DGKD: variants seen among roughly 807,000 people sequenced by gnomAD.
DGKD encodes the protein diacylglycerol kinase delta.
Under a neutral mutation model 154.4 loss-of-function variants are expected in DGKD, and 68 were observed. That is an observed-to-expected ratio of 0.44 (90% CI 0.36 to 0.54). The LOEUF is 0.54. Ranked by LOEUF, DGKD falls within the 20% of genes least tolerant of loss-of-function variation. The pLI is 0.00. For missense variants in DGKD, 1,343 were observed against 1,593.6 expected, an observed-to-expected ratio of 0.84 and a Z score of 2.68; for synonymous variants, 693 against 638.0, an observed-to-expected ratio of 1.09 and a Z score of -1.30.
intron 1 of DGKD, among the ~76,000 whole-genome samples, chr2:233,374,675 T>C (rs1171342291): frequency 6.6e-6 from 1 of 151,532 alleles, no homozygotes; most frequent in African/African-American, 2.4e-5. Context: ...CACGGTCTTG[T>C]TCTGTCATCC....
Position 233,385,069 on chromosome 2 carries a change from A to G in DGKD, c.157-3188A>G, listed in dbSNP as rs569148507. Among the ~76,000 whole-genome samples, 9 of 152,304 alleles carry G rather than the reference A, an allele frequency of 5.9e-5. No individual in the cohort carries two copies. The East Asian group carries it at 1.7e-3, about 29-fold the overall frequency. On this transcript the variant is annotated intron_variant, in intron 1 of 29. Transcript: ENST00000264057. ...CTGGTGATGCAGCCACGTGTCAGAG[A>G]GGGGGCAACCTCACCCTGTGCTTGG...
rs1008563868 is a variant in DGKD, at chr2:233,470,825, G to C, written c.*1365G>C. 6.6e-6 allele frequency: 1 copy of C among 152,398 alleles called. No individual in the cohort carries two copies. Among genetic ancestry groups the C allele is most frequent in the African/African-American group, 2.4e-5 (1 of 41,406 alleles). The allele number at this position is 152,398 out of a possible 1,614,324, so 9.4% of individuals were successfully genotyped here. ...CTTCTCTTTGGCTCCCAAAGAGAAG[G>C]ACAGTGTTGGGAGTATCTGCCGTGG... On this transcript the variant is annotated 3_prime_UTR_variant, in exon 30 of 30. Transcript: ENST00000264057.
intron 24 of DGKD, among the ~76,000 whole-genome samples, chr2:233,461,427 T>C (rs896338116): frequency 6.6e-6 from 1 of 152,204 alleles, no homozygotes; most frequent in African/African-American, 2.4e-5. Flanking sequence ...AGGTGGTCGC[T>C]GTCCCAGTCA....
chr2:233,364,584 G>T (rs1701935926), intron 1 of DGKD, among the ~76,000 whole-genome samples: 1 of 152,164 alleles, frequency 6.6e-6, no homozygotes, highest in Admixed American at 6.5e-5. Flanking sequence ...ACAAGTCAGG[G>T]ATGCATGTTG....
rs375350150 is a variant in DGKD at position 233,436,462 on chromosome 2, C to T, written c.819+21C>T. 1.6e-5 allele frequency: 25 copies of T among 1,606,202 alleles called. 1 individual carries two copies. The highest frequency in any genetic ancestry group is 7.7e-5 in the South Asian group (7 of 90,824). On this transcript the variant is annotated intron_variant, in intron 7 of 29. Transcript: ENST00000264057. ...CCATGGTGAGTGTGGGCCCTGCGCC[C>T]GGGCTGGAGGGGAGGGCTTGCTCCC...
chr2:233,396,833 A>T (rs1461589422), intron 3 of DGKD, among the ~76,000 whole-genome samples: 1 of 151,968 alleles, frequency 6.6e-6, no homozygotes, highest in Admixed American at 6.6e-5. Context: ...AGACCTTGGG[A>T]TGGGGACACC....
chr2:233,398,147 A>ATT (rs113629894), intron 3 of DGKD, among the ~76,000 whole-genome samples: 3 of 119,570 alleles, frequency 2.5e-5, no homozygotes, highest in African/African-American at 9.6e-5. Context: ...GAAAGGTAAA[A>ATT]TTTTTTTTTT....
chr2:233,451,572 T>A (rs76233838), intron 17 of DGKD, among the ~76,000 whole-genome samples: 1 of 141,978 alleles, frequency 7.0e-6, no homozygotes, highest in Admixed American at 6.9e-5. Context: ...CTATAAGCCT[T>A]TTTTTTTTTT....
chr2:233,377,531 G>T (rs1169598878), intron 1 of DGKD, among the ~76,000 whole-genome samples: 4 of 152,046 alleles, frequency 2.6e-5, no homozygotes, highest in East Asian at 3.8e-4. Context: ...TAATTTATTC[G>T]ACCACTAGCC....
chr2:233,361,818 G>A (rs1425193266), intron 1 of DGKD, among the ~76,000 whole-genome samples: 4 of 151,888 alleles, frequency 2.6e-5, no homozygotes, highest in South Asian at 2.1e-4. Flanking sequence ...CTTTTAAGAC[G>A]GAGTCTCACT....
In DGKD at chr2:233,363,443, AAG is replaced by A. The variant is rs562070600; in HGVS notation, c.156+8772_156+8773del. On this transcript the variant is annotated intron_variant, in intron 1 of 29. Transcript: ENST00000264057. ...TGTTTCAAGCTAAATGTTACTACAA[AAG>A]AGTAAAAAATTAAATTAAAAGTTTA... 4.6e-3 allele frequency among the ~76,000 whole-genome samples: 699 copies of A among 152,364 alleles called. 3 individuals are homozygous for A. The highest frequency in any genetic ancestry group is 6.5e-3 in the Non-Finnish European group (441 of 68,042).
At chr2:233,388,134 T>A in intron 1 of DGKD, 123 bp from the exon 2 acceptor site, 1 of 1,537,674 alleles carries the variant, frequency 6.5e-7, no homozygotes, top group Non-Finnish European at 8.7e-7. Flanking sequence ...CTGTTGAGAG[T>A]GTGAGAAATA....
intron 10 of DGKD, chr2:233,442,535 C>G: frequency 3.7e-6 from 1 of 269,070 alleles, no homozygotes; most frequent in Non-Finnish European, 7.4e-6. Flanking sequence ...CTCTCTTGAT[C>G]ACAGTACATA....
intron 24 of DGKD, among the ~76,000 whole-genome samples, chr2:233,461,471 G>A (rs1038960896): frequency 6.6e-6 from 1 of 152,216 alleles, no homozygotes; most frequent in Non-Finnish European, 1.5e-5. Context: ...CTTCCATACC[G>A]GCTGCAGTCC....
At position 233,438,183 on chromosome 2, in the gene DGKD, C is replaced by A. The variant is rs1559548369; in HGVS notation, c.923-34C>A. ...TGGTGCCCTCAGCGTCTTCCGTGGCCTATATATTTTCTTCTGTTCGTTCTT... is the reference window on the plus strand; with the variant it reads ...TGGTGCCCTCAGCGTCTTCCGTGGCATATATATTTTCTTCTGTTCGTTCTT... On this transcript the variant is annotated intron_variant, in intron 8 of 29. Coordinates refer to ENST00000264057, the MANE Select transcript of DGKD (RefSeq NM_152879.3). This position sits in a 1 kb window ranked among gnomAD's most constrained non-coding sequence, Gnocchi z 4.1. 8.1e-6 allele frequency: 13 copies of A among 1,608,728 alleles called. No individual in the cohort carries two copies. The highest frequency in any genetic ancestry group is 1.0e-5 in the Non-Finnish European group (12 of 1,176,820).
intron 1 of DGKD, among the ~76,000 whole-genome samples, chr2:233,359,877 TGAG>T (rs1701701502): frequency 1.3e-5 from 2 of 152,248 alleles, no homozygotes; most frequent in South Asian, 2.1e-4. Flanking sequence ...CGGGTGCTGA[TGAG>T]GAGAGGGCCA....
At chr2:233,424,093 C>G (rs2062210503) in intron 3 of DGKD, among the ~76,000 whole-genome samples, 1 of 152,122 alleles carries the variant, frequency 6.6e-6, no homozygotes, top group Admixed American at 6.5e-5. Flanking sequence ...GAATGTTGTG[C>G]CTCTACCCAT....
chr2:233,423,690 T>C (rs2062195108), intron 3 of DGKD, among the ~76,000 whole-genome samples: 1 of 152,132 alleles, frequency 6.6e-6, no homozygotes, highest in Non-Finnish European at 1.5e-5. Context: ...TGGTTTTTTC[T>C]TGTGGCGCTG....
chr2:233,445,490 G>C lies in DGKD; in HGVS notation c.1195-133G>C. ...AGTGGGCTCTGCCTGTAATGTGTAA[G>C]CTGCGTGGTTTTAGGTCACGTCCCC... On this transcript the variant is annotated intron_variant, in intron 10 of 29. Coordinates refer to ENST00000264057, the MANE Select transcript of DGKD (RefSeq NM_152879.3). This position sits in a 1 kb window ranked among gnomAD's most constrained non-coding sequence, Gnocchi z 5.5. 1.6e-6 allele frequency: 2 copies of C among 1,265,786 alleles called. No individual in the cohort carries two copies. Among genetic ancestry groups the C allele is most frequent in the South Asian group, 3.5e-5 (2 of 57,726 alleles). The allele number at this position is 1,265,786 out of a possible 1,614,324, so 78.4% of individuals were successfully genotyped here. A position where few individuals can be genotyped will look rare whatever the true frequency, so the allele number is the denominator to read the frequency against.
Sources: gnomAD v4.1 joint callset for allele counts (sites outside exome capture counted in the v4.1 genomes callset) on GRCh38, gnomAD v4.1.1 for gene constraint, Gnocchi (gnomAD v3.1) non-coding constraint, MANE v1.5 for transcripts, NCBI Gene and HGNC (gene_info 2026-07-23, HGNC 2026-07-21) for gene names.